PDPR: variants seen among roughly 807,000 people sequenced by gnomAD.
The protein encoded by PDPR is pyruvate dehydrogenase phosphatase regulatory subunit, mitochondrial.
Under a neutral mutation model 102.2 loss-of-function variants are expected in PDPR, and 50 were observed. The observed-to-expected ratio is 0.49, with a 90% confidence interval of 0.39 to 0.62. The LOEUF (loss-of-function observed/expected upper bound fraction) is 0.62. Among genes scored for constraint, PDPR ranks in the 20% least tolerant of loss-of-function variants. The pLI is 0.00. For missense variants in PDPR, 625 were observed against 1,098.2 expected (o/e 0.57, Z 6.09); for synonymous variants, 259 against 406.0 (o/e 0.64, Z 4.35).
At chr16:70,144,223 C>T (rs1301760474) in intron 14 of PDPR, among the ~76,000 whole-genome samples, 198 bp from the exon 15 acceptor site, 3 of 149,190 alleles carry the variant, frequency 2.0e-5, no homozygotes, top group Non-Finnish European at 4.4e-5. Flanking sequence ...TGTATAATTT[C>T]TTGGCATTAA....
intron 18 of PDPR, among the ~76,000 whole-genome samples, chr16:70,155,770 T>G (rs1334782296): frequency 6.6e-6 from 1 of 152,158 alleles, no homozygotes; most frequent in Non-Finnish European, 1.5e-5. Context: ...AATATAGATG[T>G]GCATGGTCTT....
rs1319909708 is a variant in PDPR at position 70,157,116 on chromosome 16, T to C, written c.*237T>C. 1.4e-6 allele frequency: 1 copy of C among 706,394 alleles called. No individual in the cohort carries two copies. Among genetic ancestry groups the C allele is most frequent in the Non-Finnish European group, 2.5e-6 (1 of 396,090 alleles). 43.8% of individuals were successfully genotyped at this position (706,394 alleles called of 1,614,324 possible). On this transcript the variant is annotated 3_prime_UTR_variant, in exon 19 of 19. Transcript: ENST00000288050. The stretch of plus-strand genomic sequence containing the variant: ...TGGGCTCTTCTTCCCTTCCCACCCC[T>C]CACTCAGCTTCTCGTGGTGGCAGGA...
Position 70,159,021 on chromosome 16 carries a change from G to C in PDPR, c.*2142G>C, listed in dbSNP as rs1287364857. 6.6e-6 allele frequency: 1 copy of C among 152,346 alleles called. No individual in the cohort carries two copies. Among genetic ancestry groups the C allele is most frequent in the Non-Finnish European group, 1.5e-5 (1 of 68,098 alleles). The allele number at this position is 152,346 out of a possible 1,614,324, so 9.4% of individuals were successfully genotyped here. A position where few individuals can be genotyped will look rare whatever the true frequency, so the allele number is the denominator to read the frequency against. On this transcript the variant is annotated 3_prime_UTR_variant, in exon 19 of 19. Transcript: ENST00000288050. Reference sequence around the variant, plus strand: ...ACATAGCAGTATCACCACTTACCAGGATCCAAATCGAAATAATAAAAGCTG... The same window carrying C: ...ACATAGCAGTATCACCACTTACCAGCATCCAAATCGAAATAATAAAAGCTG...
rs1277104914 is a variant in PDPR at position 70,146,267 on chromosome 16, G to A, written c.1962+39G>A. The A allele has an allele frequency of 3.7e-6, 6 of 1,613,044 alleles. No individual in the cohort carries two copies. In the South Asian group the frequency reaches 4.4e-5, roughly 12 times the overall value. On this transcript the variant is annotated intron_variant, in intron 16 of 18. Transcript: ENST00000288050. ...AAGTTCTGTTTCTTAAATGGGCAGA[G>A]AATGTGTCTTTCATAGCGGTGGCAG...
rs1461365947 is a variant in PDPR at position 70,156,534 on chromosome 16, A to T, written c.2295A>T (p.Lys765Asn). The part of the protein sequence containing the change: ...LLQQKQNGVY[K>N]RLTMFILDDH... Reference sequence around the variant, plus strand: ...AGCAGAAGCAGAATGGAGTGTATAAACGCCTCACCATGTTCATCCTGGACG... The same window carrying T: ...AGCAGAAGCAGAATGGAGTGTATAATCGCCTCACCATGTTCATCCTGGACG... The change falls in exon 19 of 19, where the codon AAA becomes AAT. Residue 765 changes from lysine to asparagine, a missense_variant. Transcript: ENST00000288050. 3 of 1,614,080 alleles carry T rather than the reference A, an allele frequency of 1.9e-6. No individual in the cohort carries two copies. Among genetic ancestry groups the T allele is most frequent in the Middle Eastern group, 1.7e-4 (1 of 6,058 alleles).
intron 17 of PDPR, among the ~76,000 whole-genome samples, chr16:70,150,108 CTT>C (rs58955470): frequency 2.3e-4 from 28 of 123,712 alleles, no homozygotes; most frequent in African/African-American, 6.6e-4. Flanking sequence ...TTTTTTTTTT[CTT>C]TTTTTTTTTT....
At position 70,159,125 on chromosome 16, in the gene PDPR, C is replaced by G. The variant is rs887837163; in HGVS notation, c.*2246C>G. Reference sequence around the variant, plus strand: ...GAAGCTTCATCAGAAATGTATCCCACATAGAGTTTTAAGACTTGGATTCTC... The same window carrying G: ...GAAGCTTCATCAGAAATGTATCCCAGATAGAGTTTTAAGACTTGGATTCTC... On this transcript the variant is annotated 3_prime_UTR_variant, in exon 19 of 19. Transcript: ENST00000288050. 2.0e-5 allele frequency: 3 copies of G among 152,466 alleles called. No homozygotes were observed. The highest frequency in any genetic ancestry group is 4.8e-5 in the African/African-American group (2 of 41,606). 9.4% of individuals were successfully genotyped at this position (152,466 alleles called of 1,614,324 possible).
At chr16:70,142,530 C>G in intron 12 of PDPR, 23 bp from the exon 13 acceptor site, 2 of 1,613,492 alleles carry the variant, frequency 1.2e-6, no homozygotes, top group Non-Finnish European at 1.7e-6. Flanking sequence ...TCTACAGGGC[C>G]TTGTGATTTT....
chr16:70,143,655 G>A lies in PDPR; in HGVS notation c.1751G>A (p.Arg584His), dbSNP rs200737166. Residue 584 changes from arginine (R) to histidine (H), a missense_variant, in exon 14 of 19, where the codon CGC (arginine) becomes CAC (histidine). Arg to His is a conservative substitution (Grantham distance 29). Around this residue, in one of 11 missense-constraint regions of PDPR, gnomAD observed 28 missense variants for 141.2 expected, o/e 0.20. Coordinates refer to ENST00000288050, the MANE Select transcript of PDPR (RefSeq NM_017990.5). The part of the protein sequence containing the change: ...NDCSIARLNK[R>H]SFFMISPTDQ... ...TGCAGCATAGCACGACTGAACAAGC[G>A]CAGGTGAGATGAGCTGCCGTCCCGC... 5.5e-5 allele frequency: 89 copies of A among 1,613,186 alleles called. No homozygotes were observed. In the African/African-American group the frequency reaches 6.0e-4, roughly 11 times the overall value.
intron 14 of PDPR, among the ~76,000 whole-genome samples, chr16:70,143,985 G>A (rs892820206): frequency 6.6e-6 from 1 of 152,110 alleles, no homozygotes; most frequent in African/African-American, 2.4e-5. Context: ...TGGACCTCCT[G>A]GGCTCAAGTG....
intron 10 of PDPR, among the ~76,000 whole-genome samples, chr16:70,138,487 G>C (rs187904715): frequency 1.3e-5 from 2 of 152,300 alleles, no homozygotes; most frequent in African/African-American, 4.8e-5. Context: ...AAAGTGCTGG[G>C]ATTACAGGTG....
intron 3 of PDPR, among the ~76,000 whole-genome samples, chr16:70,123,910 T>A (rs1963631384): frequency 6.6e-6 from 1 of 152,102 alleles, no homozygotes; most frequent in Admixed American, 6.6e-5. Context: ...AGAAATTAAC[T>A]GGGAGTGGTT....
At chr16:70,134,621 C>T (rs1043223776) in intron 9 of PDPR, among the ~76,000 whole-genome samples, 6 of 151,174 alleles carry the variant, frequency 4.0e-5, no homozygotes, top group East Asian at 2.0e-4. Flanking sequence ...GGCAAAAACC[C>T]GTCTAAATAT....
At chr16:70,156,010 C>T (rs12598553) in intron 18 of PDPR, among the ~76,000 whole-genome samples, 2 of 152,202 alleles carry the variant, frequency 1.3e-5, no homozygotes, top group East Asian at 3.9e-4. Context: ...CTGTCTCAGC[C>T]TCCCAAGTAG....
chr16:70,136,329 A>G lies in PDPR; in HGVS notation c.1133A>G (p.Tyr378Cys). 1 of 1,613,504 alleles carries G rather than the reference A, an allele frequency of 6.2e-7. No homozygotes were observed. Among genetic ancestry groups the G allele is most frequent in the East Asian group, 2.2e-5 (1 of 44,880 alleles). ...IMGESPAVQGYFVLAGMNSAG... is the reference protein window; with the variant it reads ...IMGESPAVQGCFVLAGMNSAG... ...GGCGAGTCTCCTGCAGTGCAGGGCTACTTTGTCCTGGCAGGAATGAACTCT... is the reference window on the plus strand; with the variant it reads ...GGCGAGTCTCCTGCAGTGCAGGGCTGCTTTGTCCTGGCAGGAATGAACTCT... The change falls in exon 10 of 19, where the codon TAC (tyrosine) becomes TGC (cysteine). Residue 378 changes from tyrosine (Y) to cysteine (C), a missense_variant. Physicochemically the swap from Tyr to Cys is radical, Grantham distance 194. This residue lies in a region of PDPR where 50 missense variants were observed against 79.9 expected (regional missense o/e 0.63). Coordinates refer to ENST00000288050, the MANE Select transcript of PDPR (RefSeq NM_017990.5).
rs1342240210 is a variant in PDPR, at chr16:70,162,149, G to A, written c.*5270G>A. The A allele has an allele frequency of 1.3e-5, 2 of 152,524 alleles. No individual in the cohort carries two copies. Among genetic ancestry groups the A allele is most frequent in the East Asian group, 3.8e-4 (2 of 5,206 alleles). The allele number at this position is 152,524 out of a possible 1,614,324, so 9.4% of individuals were successfully genotyped here. On this transcript the variant is annotated 3_prime_UTR_variant, in exon 19 of 19. Coordinates refer to ENST00000288050, the MANE Select transcript of PDPR (RefSeq NM_017990.5). ...CCTTCTTCGGAACAATGGGCGTGGG[G>A]TAGAAAGCTCTTTCAGTGAAGGGTG...
chr16:70,152,001 C>G (rs1424022214), intron 17 of PDPR, among the ~76,000 whole-genome samples: 3 of 152,286 alleles, frequency 2.0e-5, no homozygotes, highest in African/African-American at 7.2e-5. Flanking sequence ...CACTAGTCAC[C>G]TGGTTACATC....
intron 3 of PDPR, among the ~76,000 whole-genome samples, chr16:70,123,789 A>C (rs1411436852): frequency 5.3e-5 from 8 of 152,272 alleles, no homozygotes; most frequent in Non-Finnish European, 1.0e-4. Context: ...ACGATCGCTC[A>C]CACCTGTAAT....
At chr16:70,131,533 G>A (rs867761710) in intron 8 of PDPR, 114 bp downstream of exon 8, 4 of 1,210,372 alleles carry the variant, frequency 3.3e-6, no homozygotes, top group Middle Eastern at 2.0e-4. Context: ...TTCATTTCTA[G>A]AGCATGTTAC....
Sources: allele counts gnomAD v4.1 joint callset (sites outside exome capture counted in the v4.1 genomes callset), GRCh38; gene constraint gnomAD v4.1.1; regional missense constraint gnomAD v4.1.1; transcripts MANE v1.5; gene names NCBI Gene and HGNC (gene_info 2026-07-23, HGNC 2026-07-21).